The following POLR1E variants were observed in gnomAD, a reference collection of about 807,000 sequenced individuals.
POLR1E encodes DNA-directed RNA polymerase I subunit RPA49.
A neutral mutation model predicts 50.9 loss-of-function variants in POLR1E; 37 were observed. That is an observed-to-expected ratio of 0.73 (90% CI 0.56 to 0.96). The LOEUF (loss-of-function observed/expected upper bound fraction) is 0.96. Among genes scored for constraint, POLR1E ranks in the 40% least tolerant of loss-of-function variants. The pLI, the probability that POLR1E is intolerant of heterozygous loss-of-function variation, is 0.00. For synonymous variants in POLR1E, 166 were observed against 191.6 expected, an observed-to-expected ratio of 0.87 and a Z score of 1.10; for missense variants, 426 against 518.1, an observed-to-expected ratio of 0.82 and a Z score of 1.73.
At chr9:37,489,246 A>G in intron 3 of POLR1E, 69 bp from the exon 4 acceptor site, 1 of 1,322,304 alleles carries the variant, frequency 7.6e-7, no homozygotes, top group Non-Finnish European at 1.0e-6. Flanking sequence ...AAAAAAAAAA[A>G]AAAGAAAGCT....
intron 3 of POLR1E, 133 bp from the exon 4 acceptor site, chr9:37,489,181 TG>T (rs1324849166): frequency 3.6e-6 from 2 of 555,648 alleles, no homozygotes; most frequent in Non-Finnish European, 6.0e-6. Context: ...GAGGTTGCAG[TG>T]AGCCGAGATC....
At position 37,486,624 on chromosome 9, in the gene POLR1E, A is replaced by AGTC. The variant is rs753948246; in HGVS notation, c.77-78_77-76dup. The AGTC allele has an allele frequency of 3.7e-6, 6 of 1,614,134 alleles. No individual in the cohort carries two copies. The African/African-American group carries it at 8.0e-5, about 22-fold the overall frequency. On this transcript the variant is annotated intron_variant, in intron 1 of 11. Coordinates refer to ENST00000377798, the MANE Select transcript of POLR1E (RefSeq NM_022490.4). ...CATTCTGACACTCCCTCCCAGTGAC[A>AGTC]GTCTAGTCCCACCGTACATTGTGTG...
Position 37,495,941 on chromosome 9 carries a change from G to A in POLR1E, c.707G>A (p.Arg236Lys), listed in dbSNP as rs1226154968. ...EALQSPSEAF[R>K]NVTSEEILKM... ...CTTCAGAGCCCATCTGAAGCTTTCA[G>A]GAACGTCACGTCAGAAGAAATACTG... Residue 236 changes from arginine to lysine, a missense_variant, in exon 8 of 12, where the codon AGG becomes AAG. Arg to Lys is a conservative substitution (Grantham distance 26, BLOSUM62 2). Coordinates refer to ENST00000377798, the MANE Select transcript of POLR1E (RefSeq NM_022490.4). 8.7e-6 allele frequency: 14 copies of A among 1,613,946 alleles called. No individual in the cohort carries two copies. Among genetic ancestry groups the A allele is most frequent in the Admixed American group, 1.7e-5 (1 of 60,002 alleles).
chr9:37,485,987 TA>T lies in POLR1E; in HGVS notation c.-57del. On this transcript the variant is annotated 5_prime_UTR_variant, in exon 1 of 12. Transcript: ENST00000377798. ...AGCGCGGCCTGGGCTCCCGCGTGTT[TA>T]AAAGTGCGCTTGTGGCTGCTGCTGT... is the stretch of plus-strand genomic sequence containing the variant. 6.4e-7 allele frequency: 1 copy of T among 1,565,014 alleles called. No individual in the cohort carries two copies. The highest frequency in any genetic ancestry group is 8.7e-7 in the Non-Finnish European group (1 of 1,154,224).
At position 37,500,872 on chromosome 9, in the gene POLR1E, A is replaced by G; in HGVS notation, c.919A>G (p.Asn307Asp). Reference protein sequence around the residue: ...ALGPGVPHIINTKLLKHFTCL... With the variant: ...ALGPGVPHIIDTKLLKHFTCL... ...GGGACCTGGAGTTCCCCACATCATC[A>G]ACACCAAACTGCTGAAGCACTTTAC... is the stretch of plus-strand genomic sequence containing the variant. The change falls in exon 10 of 12, where the codon AAC becomes GAC. Residue 307 changes from asparagine to aspartate, a missense_variant. By Grantham distance (23) the Asn-to-Asp change is conservative. Coordinates refer to ENST00000377798, the MANE Select transcript of POLR1E (RefSeq NM_022490.4). 6.2e-7 allele frequency: 1 copy of G among 1,614,036 alleles called. No individual in the cohort carries two copies. Among genetic ancestry groups the G allele is most frequent in the South Asian group, 1.1e-5 (1 of 91,068 alleles).
intron 4 of POLR1E, 74 bp from the exon 5 acceptor site, chr9:37,492,583 A>C: frequency 7.4e-7 from 1 of 1,349,784 alleles, no homozygotes; most frequent in Non-Finnish European, 1.1e-6. Flanking sequence ...AGACAAATGA[A>C]TATTAAACAC....
At chr9:37,494,476 C>T (rs2119008229) in intron 6 of POLR1E, among the ~76,000 whole-genome samples, 1 of 152,320 alleles carries the variant, frequency 6.6e-6, no homozygotes, top group South Asian at 2.1e-4. Context: ...CTTGCTCTAT[C>T]ACCCAGACTA....
intron 1 of POLR1E, 185 bp from the exon 2 acceptor site, chr9:37,486,518 C>T: frequency 1.6e-5 from 25 of 1,558,962 alleles, no homozygotes; most frequent in East Asian, 2.4e-5. Context: ...GGTTCTCCCA[C>T]CTCCCTACCT....
rs968399675 is a variant in POLR1E, at chr9:37,492,829, G to A, written c.402+114G>A. ...TCAAGGGTCTCCCTGGCTGCTCCCC[G>A]CTCATTCAGTCTGTTTCTCTGGACA... is the stretch of plus-strand genomic sequence containing the variant. On this transcript the variant is annotated intron_variant, in intron 5 of 11. Transcript: ENST00000377798. The A allele has an allele frequency of 2.2e-5, 19 of 868,632 alleles. No homozygotes were observed. In the East Asian group the frequency reaches 4.3e-4, roughly 20 times the overall value. The allele number at this position is 868,632 out of a possible 1,614,324, so 53.8% of individuals were successfully genotyped here.
intron 4 of POLR1E, 142 bp from the exon 5 acceptor site, chr9:37,492,515 A>G: frequency 2.3e-6 from 2 of 860,580 alleles, no homozygotes; most frequent in South Asian, 3.1e-5. Flanking sequence ...TATTCACAGT[A>G]TACACTCATG....
intron 5 of POLR1E, among the ~76,000 whole-genome samples, chr9:37,492,970 C>G (rs1588801536): frequency 6.6e-6 from 1 of 152,198 alleles, no homozygotes; most frequent in East Asian, 1.9e-4. Context: ...TGGGCTGATA[C>G]AAGTGTAGCA....
intron 11 of POLR1E, 107 bp downstream of exon 11, chr9:37,501,951 G>A (rs1820899254): frequency 1.6e-6 from 2 of 1,234,438 alleles, no homozygotes; most frequent in African/African-American, 1.5e-5. Flanking sequence ...ATGTTTAAAT[G>A]TGGGAACAAC....
chr9:37,495,880 C>G lies in POLR1E; in HGVS notation c.656-10C>G. 1 of 1,599,644 alleles carries G rather than the reference C, an allele frequency of 6.3e-7. No individual in the cohort carries two copies. The highest frequency in any genetic ancestry group is 8.6e-7 in the Non-Finnish European group (1 of 1,166,972). On this transcript the variant is annotated splice_polypyrimidine_tract_variant and intron_variant, in intron 7 of 11. Coordinates refer to ENST00000377798, the MANE Select transcript of POLR1E (RefSeq NM_022490.4). ...ATTTTGGTTGGATTATATTCTTGAC[C>G]TGTAACTAGTTCTTTCCCCTGCGGA...
intron 9 of POLR1E, among the ~76,000 whole-genome samples, chr9:37,499,011 C>T (rs185377008): frequency 6.6e-6 from 1 of 152,168 alleles, no homozygotes; most frequent in African/African-American, 2.4e-5. Context: ...AGCTGCTGTT[C>T]CTAGGCTGCA....
At chr9:37,486,618 A>C in intron 1 of POLR1E, 85 bp from the exon 2 acceptor site, 1 of 1,613,964 alleles carries the variant, frequency 6.2e-7, no homozygotes, top group South Asian at 1.1e-5. Context: ...ACTCCCTCCC[A>C]GTGACAGTCT....
intron 6 of POLR1E, among the ~76,000 whole-genome samples, chr9:37,494,168 A>G (rs57371779): frequency 0.063 from 9,662 of 152,246 alleles, 1,020 homozygotes; most frequent in African/African-American, 0.22. Context: ...TTGTTCAAAT[A>G]CATTATAAGA....
At chr9:37,488,953 A>G (rs902628692) in intron 3 of POLR1E, among the ~76,000 whole-genome samples, 3 of 152,078 alleles carry the variant, frequency 2.0e-5, no homozygotes, top group African/African-American at 7.2e-5. Context: ...TGAACAGGAA[A>G]CAGGGCCAGG....
chr9:37,490,744 T>G, intron 4 of POLR1E: 4 of 659,254 alleles, frequency 6.1e-6, no homozygotes, highest in South Asian at 5.5e-5. Flanking sequence ...GGGGCATTCC[T>G]TTTTGAACAG....
At position 37,495,193 on chromosome 9, in the gene POLR1E, A is replaced by AGCATCGCTG; in HGVS notation, c.572_573insGCATCGCTG (p.Asn191delinsLysHisArgCys). On this transcript the variant is annotated protein_altering_variant, in exon 7 of 12. Transcript: ENST00000377798. ...GCTCTGGTCAGCGATGCTATCCACAATGACTTGCAAGATGACTCCCTCTAC... is the reference window on the plus strand; with the variant it reads ...GCTCTGGTCAGCGATGCTATCCACAAGCATCGCTGTGACTTGCAAGATGACTCCCTCTAC... 6.2e-7 allele frequency: 1 copy of AGCATCGCTG among 1,614,112 alleles called. No homozygotes were observed. The highest frequency in any genetic ancestry group is 1.1e-5 in the South Asian group (1 of 91,072).
Sources: allele counts gnomAD v4.1 joint callset (sites outside exome capture counted in the v4.1 genomes callset), GRCh38; gene constraint gnomAD v4.1.1; transcripts MANE v1.5; gene names NCBI Gene and HGNC (gene_info 2026-07-23, HGNC 2026-07-21).